AGBL4: variants seen among roughly 807,000 people sequenced by gnomAD.
AGBL4 encodes cytosolic carboxypeptidase 6.
In AGBL4, 58 loss-of-function variants were observed where a neutral mutation model predicts 66.4. The ratio of observed to expected loss-of-function variants is 0.87; its 90% confidence interval spans 0.71 to 1.09. AGBL4 has a LOEUF of 1.09. Among genes scored for constraint, AGBL4 ranks in the 50% least tolerant of loss-of-function variants. The pLI, the probability that AGBL4 is intolerant of heterozygous loss-of-function variation, is 0.00. For synonymous variants in AGBL4, 234 were observed against 222.9 expected (o/e 1.05, Z -0.44); for missense variants, 579 against 631.0 (o/e 0.92, Z 0.88).
chr1:48,585,648 C>T (rs185186715), intron 11 of AGBL4: 3 of 152,294 alleles, frequency 2.0e-5, no homozygotes, highest in East Asian at 3.9e-4. Context: ...GATGACTGTA[C>T]ATAGGGAACT....
chr1:49,898,692 T>C (rs888417224), intron 1 of AGBL4, among the ~76,000 whole-genome samples: 1 of 152,110 alleles, frequency 6.6e-6, no homozygotes, highest in Non-Finnish European at 1.5e-5. Flanking sequence ...CTATTCACCC[T>C]GGGCAAGATT....
At chr1:49,345,680 T>C (rs893109627) in intron 3 of AGBL4, among the ~76,000 whole-genome samples, 1 of 152,198 alleles carries the variant, frequency 6.6e-6, no homozygotes, top group Non-Finnish European at 1.5e-5. Flanking sequence ...TGAGCTATTA[T>C]AGCTTTTAAC....
intron 2 of AGBL4, among the ~76,000 whole-genome samples, chr1:49,708,013 T>A (rs960159382): frequency 2.0e-5 from 3 of 152,176 alleles, no homozygotes; most frequent in African/African-American, 7.2e-5. Context: ...CCTTGATGAA[T>A]CTGACGATTA....
intron 9 of AGBL4, among the ~76,000 whole-genome samples, chr1:48,612,780 T>G (rs1040958971): frequency 1.3e-5 from 2 of 152,238 alleles, no homozygotes; most frequent in Non-Finnish European, 2.9e-5. Flanking sequence ...AATTACATCT[T>G]TAAAAAATGT....
chr1:49,278,710 TAGAGCCAAGATA>T (rs1644220096), intron 3 of AGBL4, among the ~76,000 whole-genome samples: 1 of 151,974 alleles, frequency 6.6e-6, no homozygotes, highest in Non-Finnish European at 1.5e-5. Context: ...GCGTCAGGGA[TAGAGCCAAGATA>T]AGAGCCAAGA....
At chr1:49,708,034 G>A (rs1382603231) in intron 2 of AGBL4, among the ~76,000 whole-genome samples, 1 of 151,890 alleles carries the variant, frequency 6.6e-6, no homozygotes, top group Non-Finnish European at 1.5e-5. Context: ...TGTGTCTTGG[G>A]GTTGCTCTTC....
chr1:48,675,438 G>A (rs1180809490), intron 6 of AGBL4, among the ~76,000 whole-genome samples: 1 of 152,168 alleles, frequency 6.6e-6, no homozygotes, highest in Non-Finnish European at 1.5e-5. Context: ...CAAAATGTCC[G>A]CATATCAAAA....
At chr1:48,784,173 A>T (rs1233775287) in intron 6 of AGBL4, among the ~76,000 whole-genome samples, 1 of 152,190 alleles carries the variant, frequency 6.6e-6, no homozygotes, top group African/African-American at 2.4e-5. Flanking sequence ...GGATTAAATG[A>T]GATAATCTAT....
intron 3 of AGBL4, among the ~76,000 whole-genome samples, chr1:49,435,540 G>A (rs1342243491): frequency 2.0e-5 from 3 of 152,164 alleles, no homozygotes; most frequent in Non-Finnish European, 4.4e-5. Context: ...TGTGCTTGTG[G>A]GAATTGGATA....
At chr1:48,862,831 A>C (rs986064601) in intron 6 of AGBL4, among the ~76,000 whole-genome samples, 1 of 152,174 alleles carries the variant, frequency 6.6e-6, no homozygotes, top group Non-Finnish European at 1.5e-5. Context: ...AAAATCCTTA[A>C]AGTTCAAAGG....
At chr1:49,079,005 C>T (rs1481919399) in intron 4 of AGBL4, among the ~76,000 whole-genome samples, 1 of 152,132 alleles carries the variant, frequency 6.6e-6, no homozygotes, top group Non-Finnish European at 1.5e-5. Context: ...TACCACTTGC[C>T]CACTCTGTTA....
intron 1 of AGBL4, among the ~76,000 whole-genome samples, chr1:49,966,645 T>C (rs1657587995): frequency 6.6e-6 from 1 of 152,030 alleles, no homozygotes; most frequent in Non-Finnish European, 1.5e-5. Flanking sequence ...TTTATTCTAG[T>C]ATAAAATGGG....
chr1:49,314,932 G>A (rs1008497703), intron 3 of AGBL4, among the ~76,000 whole-genome samples: 4 of 152,060 alleles, frequency 2.6e-5, no homozygotes, highest in Non-Finnish European at 2.9e-5. Context: ...TCTAACTGCT[G>A]TGAGATGGTA....
chr1:49,524,848 C>A (rs916735356), intron 3 of AGBL4, among the ~76,000 whole-genome samples: 1 of 152,010 alleles, frequency 6.6e-6, no homozygotes, highest in Non-Finnish European at 1.5e-5. Flanking sequence ...GCGTGAACCC[C>A]TTATGAATAA....
intron 3 of AGBL4, among the ~76,000 whole-genome samples, chr1:49,455,237 T>C (rs866762608): frequency 3.3e-5 from 5 of 151,668 alleles, no homozygotes; most frequent in African/African-American, 7.2e-5. Flanking sequence ...AATTCAGACA[T>C]AGGCAAAATT....
rs531639089 is a variant in AGBL4, at chr1:49,346,725, G to A, written c.283-100861C>T. ...GTAGGAATATCACTGCTCCTACTTC[G>A]CCTGAAGAACTTACAGAAGATAGAT... On this transcript the variant is annotated intron_variant, in intron 3 of 13. Transcript: ENST00000371839. Among the ~76,000 whole-genome samples, 123 of 152,206 alleles carry A rather than the reference G, an allele frequency of 8.1e-4. 1 individual carries two copies. The highest frequency in any genetic ancestry group is 2.6e-3 in the African/African-American group (109 of 41,528).
intron 1 of AGBL4, among the ~76,000 whole-genome samples, chr1:49,855,546 C>A (rs1316643496): frequency 1.3e-5 from 2 of 152,116 alleles, no homozygotes; most frequent in Admixed American, 1.3e-4. Context: ...AAAATCATAT[C>A]AAATATCTTG....
intron 3 of AGBL4, among the ~76,000 whole-genome samples, chr1:49,635,898 T>C (rs1488650331): frequency 6.6e-6 from 1 of 152,206 alleles, no homozygotes; most frequent in Non-Finnish European, 1.5e-5. Flanking sequence ...TGCTTAAATA[T>C]ATGTTTACCA....
intron 3 of AGBL4, among the ~76,000 whole-genome samples, chr1:49,451,409 T>C (rs1354045610): frequency 6.6e-6 from 1 of 152,006 alleles, no homozygotes; most frequent in Non-Finnish European, 1.5e-5. Flanking sequence ...GAGTGATTTA[T>C]CACCATATTC....
Sources: gnomAD v4.1 joint callset for allele counts (sites outside exome capture counted in the v4.1 genomes callset) on GRCh38, gnomAD v4.1.1 for gene constraint, MANE v1.5 for transcripts, NCBI Gene and HGNC (gene_info 2026-07-23, HGNC 2026-07-21) for gene names.